SYT1: variants seen among roughly 807,000 people sequenced by gnomAD.
SYT1 encodes the protein synaptotagmin-1.
In SYT1, 8 loss-of-function variants were observed where a neutral mutation model predicts 44.8. The observed-to-expected ratio is 0.18, with a 90% CI of 0.10 to 0.32. SYT1 has a LOEUF of 0.32. SYT1 is among the 10% of genes least tolerant of loss of function. SYT1 has a pLI of 1.00. For missense variants in SYT1, 286 were observed against 509.3 expected (o/e 0.56, Z 4.22); for synonymous variants, 154 against 188.8 (o/e 0.82, Z 1.51).
chr12:79,366,420 T>G (rs1292361051), intron 9 of SYT1, among the ~76,000 whole-genome samples: 1 of 152,266 alleles, frequency 6.6e-6, no homozygotes, highest in Non-Finnish European at 1.5e-5. Context: ...GGAATTTAAC[T>G]TTATAGAAAT....
chr12:79,308,594 G>GGA (rs1565901384), intron 8 of SYT1, among the ~76,000 whole-genome samples: 52 of 84,816 alleles, frequency 6.1e-4, no homozygotes, highest in African/African-American at 2.1e-3. Context: ...AAAGAAAGAA[G>GGA]AAAGAAAGAA....
intron 1 of SYT1, among the ~76,000 whole-genome samples, chr12:78,928,345 C>G (rs1470069657): frequency 6.6e-6 from 1 of 152,162 alleles, no homozygotes; most frequent in Non-Finnish European, 1.5e-5. Flanking sequence ...ATCATACACT[C>G]TAGCCATAAC....
chr12:78,919,945 G>A (rs919189783), intron 1 of SYT1, among the ~76,000 whole-genome samples: 5 of 151,706 alleles, frequency 3.3e-5, no homozygotes, highest in Admixed American at 6.6e-5. Flanking sequence ...TGATCAATGT[G>A]TGATCTGATT....
intron 10 of SYT1, among the ~76,000 whole-genome samples, chr12:79,447,417 T>A (rs148638005): frequency 2.0e-5 from 3 of 152,284 alleles, no homozygotes; most frequent in African/African-American, 7.2e-5. Flanking sequence ...TCCAAATGCA[T>A]GTGAGAATGT....
intron 8 of SYT1, among the ~76,000 whole-genome samples, chr12:79,335,601 C>A (rs1382282642): frequency 6.6e-6 from 1 of 152,098 alleles, no homozygotes; most frequent in Admixed American, 6.6e-5. Context: ...TAATATGTAA[C>A]ATTGATAACA....
chr12:79,430,507 CG>C (rs1241255928), intron 9 of SYT1, among the ~76,000 whole-genome samples: 2 of 152,150 alleles, frequency 1.3e-5, no homozygotes, highest in African/African-American at 4.8e-5. Context: ...TTAGGAAAGC[CG>C]GGCATGGTGG....
intron 1 of SYT1, among the ~76,000 whole-genome samples, chr12:78,941,167 A>G (rs1452134302): frequency 1.5e-5 from 2 of 136,224 alleles, no homozygotes; most frequent in African/African-American, 2.8e-5. Context: ...CTGCCTCCCC[A>G]GTTCACGCCA....
intron 8 of SYT1, among the ~76,000 whole-genome samples, chr12:79,352,393 A>G (rs986204019): frequency 4.6e-5 from 7 of 152,170 alleles, no homozygotes; most frequent in South Asian, 2.1e-4. Context: ...TTAAAAGTCT[A>G]TCTGCAGAAG....
rs1056512387 is a variant in SYT1 at position 79,243,774 on chromosome 12, T to A, written c.166+26089T>A. On this transcript the variant is annotated intron_variant, in intron 4 of 10. Coordinates refer to ENST00000261205, the MANE Select transcript of SYT1 (RefSeq NM_005639.3). ...TCCAAGCAGGAAAAAAAGGTAACAT[T>A]ACAAATTTACTTAGCATAAAAAGTA... 1.1e-4 allele frequency among the ~76,000 whole-genome samples: 16 copies of A among 150,962 alleles called. 1 individual carries two copies. Among genetic ancestry groups the A allele is most frequent in the Admixed American group, 1.1e-3 (16 of 15,158 alleles).
At chr12:78,924,490 T>G (rs1293289675) in intron 1 of SYT1, among the ~76,000 whole-genome samples, 1 of 151,582 alleles carries the variant, frequency 6.6e-6, no homozygotes, top group Non-Finnish European at 1.5e-5. Flanking sequence ...TTCTTTACAT[T>G]TATTAGTCGA....
intron 2 of SYT1, among the ~76,000 whole-genome samples, chr12:79,003,146 A>G (rs1461761152): frequency 6.6e-6 from 1 of 152,094 alleles, no homozygotes; most frequent in Non-Finnish European, 1.5e-5. Context: ...GAATTTAGCT[A>G]GGATATTCAA....
At chr12:79,200,660 C>A (rs1873729179) in intron 3 of SYT1, among the ~76,000 whole-genome samples, 1 of 152,122 alleles carries the variant, frequency 6.6e-6, no homozygotes, top group African/African-American at 2.4e-5. Flanking sequence ...TCTGTGTCAC[C>A]ATGTGTAATA....
At chr12:79,228,459 C>A (rs925700064) in intron 4 of SYT1, among the ~76,000 whole-genome samples, 1 of 152,132 alleles carries the variant, frequency 6.6e-6, no homozygotes, top group Non-Finnish European at 1.5e-5. Flanking sequence ...ATTATTATCA[C>A]TATTGGCCTT....
At chr12:79,152,299 T>A (rs1410383616) in intron 3 of SYT1, among the ~76,000 whole-genome samples, 2 of 151,984 alleles carry the variant, frequency 1.3e-5, no homozygotes, top group Non-Finnish European at 2.9e-5. Context: ...GAGAGGGAGA[T>A]GCAGGACTCT....
chr12:79,164,744 G>A (rs919936578), intron 3 of SYT1, among the ~76,000 whole-genome samples: 2 of 151,962 alleles, frequency 1.3e-5, no homozygotes, highest in African/African-American at 4.8e-5. Flanking sequence ...GGATAGATTA[G>A]ATTTAAATTT....
At position 79,019,727 on chromosome 12, in the gene SYT1, G is replaced by A. The variant is rs1057108291; in HGVS notation, c.-83-27570G>A. ...ATTTATTTTACTAAACTCCTTTCAT[G>A]TCAGAGAAACATAAAACTGCTGATT... On this transcript the variant is annotated intron_variant, in intron 2 of 10. Transcript: ENST00000261205. Among the ~76,000 whole-genome samples the A allele has an allele frequency of 3.9e-5, 6 of 152,006 alleles. No homozygotes were observed. The South Asian group carries it at 1.0e-3, about 26-fold the overall frequency.
intron 1 of SYT1, among the ~76,000 whole-genome samples, chr12:78,957,458 G>A (rs11112064): frequency 0.15 from 22,077 of 152,028 alleles, 1,934 homozygotes; most frequent in East Asian, 0.3. Context: ...CAAACATTAA[G>A]CATAATACTT....
intron 3 of SYT1, among the ~76,000 whole-genome samples, chr12:79,129,153 C>A (rs1056110257): frequency 6.6e-6 from 1 of 152,040 alleles, no homozygotes; most frequent in Non-Finnish European, 1.5e-5. Context: ...CGTGGTTAAC[C>A]AAAGGACTGC....
Position 79,288,689 on chromosome 12 carries a change from A to G in SYT1, c.351+2718A>G, listed in dbSNP as rs374641953. 5.9e-5 allele frequency among the ~76,000 whole-genome samples: 9 copies of G among 152,300 alleles called. No individual in the cohort carries two copies. The East Asian group carries it at 1.5e-3, about 26-fold the overall frequency. On this transcript the variant is annotated intron_variant, in intron 5 of 10. Transcript: ENST00000261205. Reference sequence around the variant, plus strand: ...TAAAATTGGAGAACACTAACCAGACAGAGGGAAAATATTCACATGTAAAGT... The same window carrying G: ...TAAAATTGGAGAACACTAACCAGACGGAGGGAAAATATTCACATGTAAAGT...
Sources: allele counts gnomAD v4.1 joint callset (sites outside exome capture counted in the v4.1 genomes callset), GRCh38; gene constraint gnomAD v4.1.1; transcripts MANE v1.5; gene names NCBI Gene and HGNC (gene_info 2026-07-23, HGNC 2026-07-21).